The following ERC2 variants were observed in gnomAD, a reference collection of about 807,000 sequenced individuals.
ERC2 encodes the protein ELKS/RAB6-interacting/CAST family member 2.
In ERC2, 42 loss-of-function variants were observed where a neutral mutation model predicts 114.8. The observed-to-expected ratio is 0.37, with a 90% CI of 0.29 to 0.47. ERC2 has a LOEUF of 0.47. Among genes scored for constraint, ERC2 ranks in the 20% least tolerant of loss-of-function variants. ERC2 has a pLI of 0.99. For synonymous variants in ERC2, 454 were observed against 425.5 expected, an observed-to-expected ratio of 1.07 and a Z score of -0.82; for missense variants, 939 against 1,150.7, an observed-to-expected ratio of 0.82 and a Z score of 2.66.
intron 14 of ERC2, among the ~76,000 whole-genome samples, chr3:55,834,510 A>G (rs1450964136): frequency 3.9e-5 from 6 of 152,098 alleles, no homozygotes; most frequent in Admixed American, 3.9e-4. Context: ...CTGAATGACT[A>G]CTGGGTACAT....
chr3:56,008,119 G>C (rs983267719), intron 9 of ERC2, among the ~76,000 whole-genome samples: 1 of 152,152 alleles, frequency 6.6e-6, no homozygotes, highest in Non-Finnish European at 1.5e-5. Flanking sequence ...TGACTCAGAT[G>C]TACAGGTTTT....
chr3:56,018,687 A>G (rs1232900438), intron 8 of ERC2, among the ~76,000 whole-genome samples: 4 of 152,164 alleles, frequency 2.6e-5, no homozygotes, highest in African/African-American at 9.7e-5. Context: ...GAGTGATGTA[A>G]TCAGATTTGC....
At chr3:55,731,906 C>T (rs1287196917) in intron 15 of ERC2, among the ~76,000 whole-genome samples, 1 of 152,122 alleles carries the variant, frequency 6.6e-6, no homozygotes, top group Non-Finnish European at 1.5e-5. Flanking sequence ...GGAGAACATT[C>T]TTAAATGGTT....
chr3:56,328,087 G>A (rs1437119939), intron 2 of ERC2, among the ~76,000 whole-genome samples: 2 of 152,200 alleles, frequency 1.3e-5, no homozygotes, highest in Non-Finnish European at 2.9e-5. Flanking sequence ...ATGTGCAGAT[G>A]CTATACCTGG....
At chr3:56,431,273 C>T (rs1559493041) in intron 2 of ERC2, among the ~76,000 whole-genome samples, 1 of 152,198 alleles carries the variant, frequency 6.6e-6, no homozygotes, top group Non-Finnish European at 1.5e-5. Context: ...ATAAAAACCC[C>T]ACTGGTAGTA....
chr3:56,266,199 C>G (rs1218884123), intron 3 of ERC2, among the ~76,000 whole-genome samples: 2 of 143,012 alleles, frequency 1.4e-5, no homozygotes, highest in Non-Finnish European at 3.0e-5. Context: ...GGCACAATCT[C>G]GGCTCACTGC....
At chr3:55,659,090 G>C (rs2231386) in intron 17 of ERC2, 4 of 152,300 alleles carry the variant, frequency 2.6e-5, no homozygotes, top group Non-Finnish European at 5.9e-5. Context: ...TTCATTAAGG[G>C]GTTGGGCTTT....
At chr3:55,791,408 A>G (rs1278983076) in intron 14 of ERC2, among the ~76,000 whole-genome samples, 2 of 152,052 alleles carry the variant, frequency 1.3e-5, no homozygotes, top group African/African-American at 2.4e-5. Context: ...ATATATAAGT[A>G]TATATATATA....
At chr3:55,607,614 G>GTGT (rs1559733731) in intron 17 of ERC2, among the ~76,000 whole-genome samples, 2 of 132,330 alleles carry the variant, frequency 1.5e-5, no homozygotes, top group Non-Finnish European at 1.6e-5. Context: ...AAAATAGTGT[G>GTGT]TTTTTTTTTT....
chr3:55,713,295 C>T (rs901088898), intron 15 of ERC2, among the ~76,000 whole-genome samples: 1 of 152,100 alleles, frequency 6.6e-6, no homozygotes, highest in Non-Finnish European at 1.5e-5. Context: ...ACTGCAACCT[C>T]TACCTCCCAG....
At chr3:56,334,014 T>G (rs1417808633) in intron 2 of ERC2, among the ~76,000 whole-genome samples, 3 of 152,244 alleles carry the variant, frequency 2.0e-5, no homozygotes, top group African/African-American at 7.2e-5. Flanking sequence ...CCACAGTGCC[T>G]GACACAAAGG....
intron 2 of ERC2, chr3:56,433,981 A>C: frequency 4.9e-6 from 1 of 203,912 alleles, no homozygotes; most frequent in Admixed American, 5.2e-5. Flanking sequence ...TAAAGTCTTT[A>C]TTCTTACAGA....
At chr3:55,855,504 T>C (rs1293966018) in intron 14 of ERC2, among the ~76,000 whole-genome samples, 3 of 152,242 alleles carry the variant, frequency 2.0e-5, no homozygotes, top group Admixed American at 2.0e-4. Context: ...AACAGTGTGA[T>C]AACTACGTCT....
intron 5 of ERC2, among the ~76,000 whole-genome samples, chr3:56,146,357 G>A (rs369865636): frequency 2.0e-5 from 3 of 152,174 alleles, no homozygotes; most frequent in African/African-American, 7.2e-5. Flanking sequence ...GGAAACATTA[G>A]CAACAAATGT....
chr3:56,382,042 C>G (rs77420196), intron 2 of ERC2, among the ~76,000 whole-genome samples: 232 of 152,260 alleles, frequency 1.5e-3, no homozygotes, highest in African/African-American at 5.3e-3. Context: ...TCCCCATACT[C>G]ACTTTTAACT....
chr3:56,199,684 T>A (rs910085338), intron 3 of ERC2, among the ~76,000 whole-genome samples: 1 of 151,988 alleles, frequency 6.6e-6, no homozygotes, highest in Non-Finnish European at 1.5e-5. Flanking sequence ...ATTCTTTAAT[T>A]TTTTTGTAAA....
intron 14 of ERC2, among the ~76,000 whole-genome samples, chr3:55,823,051 CTTTCA>C (rs2060193204): frequency 6.6e-6 from 1 of 152,172 alleles, no homozygotes; most frequent in African/African-American, 2.4e-5. Flanking sequence ...TGTGCAGTGC[CTTTCA>C]TTTCTATTTT....
intron 1 of ERC2, among the ~76,000 whole-genome samples, chr3:56,440,867 T>C (rs1404414253): frequency 2.0e-5 from 3 of 152,206 alleles, no homozygotes; most frequent in Non-Finnish European, 4.4e-5. Context: ...AGTATTTTTA[T>C]AACACAAGAT....
intron 1 of ERC2, among the ~76,000 whole-genome samples, chr3:56,457,427 T>C (rs2107549156): frequency 6.6e-6 from 1 of 152,296 alleles, no homozygotes; most frequent in South Asian, 2.1e-4. Flanking sequence ...AATCTTTCTA[T>C]TGTTCTTCAG....
Sources: allele counts gnomAD v4.1 joint callset (sites outside exome capture counted in the v4.1 genomes callset), GRCh38; gene constraint gnomAD v4.1.1; transcripts MANE v1.5; gene names NCBI Gene and HGNC (gene_info 2026-07-23, HGNC 2026-07-21).